MAN2A1: variants seen among roughly 807,000 people sequenced by gnomAD.
The protein encoded by MAN2A1 is mannosidase alpha class 2A member 1.
MAN2A1 carries 76 observed loss-of-function variants against 142.6 expected under a neutral mutation model. The observed-to-expected ratio is 0.53, with a 90% CI of 0.44 to 0.65. MAN2A1 has a LOEUF of 0.65. MAN2A1 is among the 30% of genes least tolerant of loss of function. The pLI is 0.00. For missense variants in MAN2A1, 1,311 were observed against 1,365.1 expected, an observed-to-expected ratio of 0.96 and a Z score of 0.62; for synonymous variants, 559 against 473.2, an observed-to-expected ratio of 1.18 and a Z score of -2.35.
chr5:109,786,901 C>T (rs943970492), intron 10 of MAN2A1, among the ~76,000 whole-genome samples: 1 of 151,996 alleles, frequency 6.6e-6, no homozygotes, highest in Non-Finnish European at 1.5e-5. Flanking sequence ...ACAACTGGTT[C>T]TGGTATGGCA....
At chr5:109,833,309 C>A (rs895234333) in intron 16 of MAN2A1, among the ~76,000 whole-genome samples, 1 of 152,100 alleles carries the variant, frequency 6.6e-6, no homozygotes, top group Admixed American at 6.5e-5. Flanking sequence ...TTTGGGAGGC[C>A]AAGGCAGGCG....
intron 17 of MAN2A1, among the ~76,000 whole-genome samples, chr5:109,845,279 C>T (rs1204719153): frequency 6.6e-6 from 1 of 152,144 alleles, no homozygotes; most frequent in East Asian, 1.9e-4. Context: ...TTCAAACATT[C>T]AGGTACTAGG....
At chr5:109,749,641 A>G (rs1752495175) in intron 4 of MAN2A1, among the ~76,000 whole-genome samples, 1 of 152,104 alleles carries the variant, frequency 6.6e-6, no homozygotes, top group African/African-American at 2.4e-5. Context: ...AGGAAATATC[A>G]TGAAGTGTAC....
chr5:109,794,455 G>A (rs1753811421), intron 12 of MAN2A1, among the ~76,000 whole-genome samples: 1 of 152,116 alleles, frequency 6.6e-6, no homozygotes, highest in Non-Finnish European at 1.5e-5. Context: ...TAAAAAGTCA[G>A]TAAGATTAAA....
At chr5:109,757,781 A>G (rs1368311190) in intron 5 of MAN2A1, among the ~76,000 whole-genome samples, 2 of 152,158 alleles carry the variant, frequency 1.3e-5, no homozygotes, top group Non-Finnish European at 2.9e-5. Context: ...GACATTTCAC[A>G]TAGATGGAAG....
intron 19 of MAN2A1, among the ~76,000 whole-genome samples, chr5:109,850,331 A>C (rs1194801870): frequency 1.3e-5 from 2 of 152,178 alleles, no homozygotes; most frequent in Non-Finnish European, 2.9e-5. Flanking sequence ...CATTCCTCCT[A>C]CTAGATTCCA....
At chr5:109,693,336 TGCAATACATTTG>T (rs1050280176) in intron 1 of MAN2A1, among the ~76,000 whole-genome samples, 24 of 152,012 alleles carry the variant, frequency 1.6e-4, no homozygotes, top group Non-Finnish European at 3.2e-4. Flanking sequence ...AAAAGGAGGT[TGCAATACATTTG>T]TTTGGCAAGT....
intron 4 of MAN2A1, among the ~76,000 whole-genome samples, chr5:109,729,721 A>C (rs1286907852): frequency 6.6e-6 from 1 of 152,204 alleles, no homozygotes; most frequent in African/African-American, 2.4e-5. Flanking sequence ...CACTGGAAGC[A>C]GTGGCTTACT....
At chr5:109,772,802 G>A (rs781253260) in intron 7 of MAN2A1, among the ~76,000 whole-genome samples, 13 of 152,102 alleles carry the variant, frequency 8.5e-5, no homozygotes, top group Non-Finnish European at 1.5e-4. Context: ...GAGCCACCAT[G>A]CCTAGCCCTG....
intron 3 of MAN2A1, among the ~76,000 whole-genome samples, chr5:109,722,419 T>G (rs1751630250): frequency 6.6e-6 from 1 of 152,140 alleles, no homozygotes; most frequent in East Asian, 1.9e-4. Flanking sequence ...TTGTTTTGTT[T>G]TGTTTTGTTT....
intron 16 of MAN2A1, among the ~76,000 whole-genome samples, chr5:109,832,819 C>A (rs1225778578): frequency 6.6e-6 from 1 of 151,916 alleles, no homozygotes; most frequent in Non-Finnish European, 1.5e-5. Context: ...TGGGGGCTGT[C>A]CCCCACCTCC....
In MAN2A1 at chr5:109,845,911, T is replaced by C. The variant is rs1033322263; in HGVS notation, c.2747T>C (p.Val916Ala). 35 of 1,613,652 alleles carry C rather than the reference T, an allele frequency of 2.2e-5. No homozygotes were observed. The highest frequency in any genetic ancestry group is 3.0e-5 in the Non-Finnish European group (35 of 1,179,746). Reference protein sequence around the residue: ...TLSKLPLQANVYPMTTMAYIQ... With the variant: ...TLSKLPLQANAYPMTTMAYIQ... ...AGCAAATTGCCTCTTCAAGCAAATG[T>C]CTATCCCATGACCACAATGGCCTAT... The change falls in exon 18 of 22, where the codon GTC becomes GCC. Residue 916 changes from valine to alanine, a missense_variant. Val to Ala is a moderately conservative substitution (Grantham distance 64). Coordinates refer to ENST00000261483, the MANE Select transcript of MAN2A1 (RefSeq NM_002372.4).
intron 8 of MAN2A1, among the ~76,000 whole-genome samples, chr5:109,775,232 ATT>A (rs1313646820): frequency 1.3e-5 from 2 of 152,138 alleles, no homozygotes; most frequent in Non-Finnish European, 2.9e-5. Flanking sequence ...AAGTTGTGAT[ATT>A]TAGTCTTCAG....
At chr5:109,836,773 A>G (rs1445779723) in intron 16 of MAN2A1, among the ~76,000 whole-genome samples, 1 of 152,150 alleles carries the variant, frequency 6.6e-6, no homozygotes, top group South Asian at 2.1e-4. Context: ...CACATTACAG[A>G]TATAAAGTAA....
chr5:109,847,970 G>T (rs1030116143), intron 19 of MAN2A1, among the ~76,000 whole-genome samples, 180 bp downstream of exon 19: 1 of 152,036 alleles, frequency 6.6e-6, no homozygotes, highest in African/African-American at 2.4e-5. Context: ...TGTAAGATTT[G>T]CACTTAGGTC....
intron 1 of MAN2A1, among the ~76,000 whole-genome samples, chr5:109,704,267 G>A (rs1160034043): frequency 6.6e-6 from 1 of 152,208 alleles, no homozygotes; most frequent in African/African-American, 2.4e-5. Flanking sequence ...CTAGGCAGGT[G>A]TGAGATTTAT....
chr5:109,850,028 T>G (rs1755444769), intron 19 of MAN2A1, among the ~76,000 whole-genome samples: 1 of 152,202 alleles, frequency 6.6e-6, no homozygotes, highest in South Asian at 2.1e-4. Context: ...ATCAGCTGCT[T>G]CTGGACCAGG....
intron 3 of MAN2A1, among the ~76,000 whole-genome samples, chr5:109,727,160 A>G (rs1751768138): frequency 6.6e-6 from 1 of 152,176 alleles, no homozygotes; most frequent in Non-Finnish European, 1.5e-5. Context: ...TCTAGGGCTG[A>G]ATAAGTTTGC....
intron 1 of MAN2A1, among the ~76,000 whole-genome samples, chr5:109,694,341 C>A (rs1432982579): frequency 6.9e-6 from 1 of 145,420 alleles, no homozygotes; most frequent in Non-Finnish European, 1.5e-5. Context: ...ACTTGTATAC[C>A]TTTTTTTTTT....
Sources: allele counts gnomAD v4.1 joint callset (sites outside exome capture counted in the v4.1 genomes callset), GRCh38; gene constraint gnomAD v4.1.1; transcripts MANE v1.5; gene names NCBI Gene and HGNC (gene_info 2026-07-23, HGNC 2026-07-21).